Variants in R3HDM1 observed in about 807,000 individuals in gnomAD.
R3HDM1 encodes the protein R3H domain-containing protein 1.
A neutral mutation model predicts 141.1 loss-of-function variants in R3HDM1; 46 were observed. The observed-to-expected ratio is 0.33, with a 90% CI of 0.26 to 0.42. The LOEUF (loss-of-function observed/expected upper bound fraction) is 0.42, where lower values mean the gene tolerates loss of function less well. Among genes scored for constraint, R3HDM1 ranks in the 10% least tolerant of loss-of-function variants. The probability of loss-of-function intolerance (pLI) is 1.00; values close to 1 mark genes in which losing one functional copy is unlikely to be tolerated. For synonymous variants in R3HDM1, 435 were observed against 472.9 expected, an observed-to-expected ratio of 0.92 and a Z score of 1.04; for missense variants, 1,184 against 1,368.3, an observed-to-expected ratio of 0.87 and a Z score of 2.12.
chr2:135,637,302 G>A (rs536321246), intron 11 of R3HDM1, among the ~76,000 whole-genome samples: 2 of 152,216 alleles, frequency 1.3e-5, no homozygotes, highest in Admixed American at 1.3e-4. Context: ...CAAGTCGAGA[G>A]TCAGTATGTA....
In R3HDM1 at chr2:135,663,154, A is replaced by T. The variant is rs974264939; in HGVS notation, c.2152+1761A>T. ...TCTGCCAAAAAAAAAAAAAAAAAAAAATATGACACTTAATAGAATTCAACT... is the reference window on the plus strand; with the variant it reads ...TCTGCCAAAAAAAAAAAAAAAAAAATATATGACACTTAATAGAATTCAACT... On this transcript the variant is annotated intron_variant, in intron 19 of 26. Transcript: ENST00000683871. Among the ~76,000 whole-genome samples the T allele has an allele frequency of 3.2e-4, 42 of 129,326 alleles. No individual in the cohort carries two copies. The East Asian group carries it at 4.0e-3, about 12-fold the overall frequency. The allele number at this position is 129,326 out of a possible 152,430, so 84.8% of individuals were successfully genotyped here.
chr2:135,652,323 C>G (rs567147775), intron 18 of R3HDM1, among the ~76,000 whole-genome samples: 1 of 152,212 alleles, frequency 6.6e-6, no homozygotes, highest in South Asian at 2.1e-4. Context: ...AAGTGTAAAT[C>G]CACTGTAAAA....
intron 21 of R3HDM1, among the ~76,000 whole-genome samples, chr2:135,686,783 G>A (rs1006605179): frequency 2.6e-5 from 4 of 152,164 alleles, no homozygotes; most frequent in Admixed American, 2.6e-4. Context: ...ACATTATTTA[G>A]CCTTTAAAGA....
chr2:135,619,172 A>T (rs1054528359), intron 5 of R3HDM1, among the ~76,000 whole-genome samples: 1 of 152,200 alleles, frequency 6.6e-6, no homozygotes, highest in African/African-American at 2.4e-5. Flanking sequence ...TAGCTTCATG[A>T]CAGTCTAAAG....
chr2:135,719,375 A>G (rs1357564235), intron 24 of R3HDM1, among the ~76,000 whole-genome samples: 2 of 143,488 alleles, frequency 1.4e-5, no homozygotes, highest in Non-Finnish European at 3.1e-5. Flanking sequence ...CTACTTAGGA[A>G]GCTGAGGCAA....
intron 7 of R3HDM1, among the ~76,000 whole-genome samples, chr2:135,624,609 T>C (rs1289236837): frequency 6.6e-6 from 1 of 151,942 alleles, no homozygotes; most frequent in Non-Finnish European, 1.5e-5. Context: ...CCACGAAAAA[T>C]TGTCTTGAAA....
intron 1 of R3HDM1, among the ~76,000 whole-genome samples, chr2:135,587,249 C>T (rs753941964): frequency 2.0e-5 from 3 of 152,160 alleles, no homozygotes; most frequent in Admixed American, 6.6e-5. Flanking sequence ...GAATGACTAA[C>T]ACATGTCCAT....
At chr2:135,577,044 GAAAAA>G (rs1158925019) in intron 1 of R3HDM1, 1 of 659,112 alleles carries the variant, frequency 1.5e-6, no homozygotes. Flanking sequence ...TGTTACAAAA[GAAAAA>G]AAAAAAACCT....
intron 19 of R3HDM1, among the ~76,000 whole-genome samples, chr2:135,671,806 T>G (rs1424388491): frequency 6.6e-6 from 1 of 151,856 alleles, no homozygotes; most frequent in African/African-American, 2.4e-5. Context: ...TGAAACCCTG[T>G]CTATACTAAA....
At chr2:135,553,572 G>T (rs997602733) in intron 1 of R3HDM1, among the ~76,000 whole-genome samples, 2 of 152,076 alleles carry the variant, frequency 1.3e-5, no homozygotes, top group Non-Finnish European at 2.9e-5. Context: ...TTATAAGAAG[G>T]TTTCAAAATG....
intron 21 of R3HDM1, among the ~76,000 whole-genome samples, chr2:135,694,142 T>C (rs575247334): frequency 6.6e-6 from 1 of 152,346 alleles, no homozygotes; most frequent in East Asian, 1.9e-4. Context: ...CTTTTCCCAA[T>C]TGTTTTTAAA....
intron 7 of R3HDM1, among the ~76,000 whole-genome samples, chr2:135,629,841 A>T (rs2062455583): frequency 6.6e-6 from 1 of 152,162 alleles, no homozygotes; most frequent in Non-Finnish European, 1.5e-5. Context: ...GTGTGATCAC[A>T]TATGTGTTCT....
chr2:135,659,643 G>A (rs1341506330), intron 18 of R3HDM1, among the ~76,000 whole-genome samples: 1 of 152,028 alleles, frequency 6.6e-6, no homozygotes, highest in African/African-American at 2.4e-5. Context: ...TCACTATGTG[G>A]CCCAGTCAGA....
intron 24 of R3HDM1, among the ~76,000 whole-genome samples, chr2:135,718,217 TC>T (rs1432792167): frequency 6.6e-6 from 1 of 152,152 alleles, no homozygotes; most frequent in Non-Finnish European, 1.5e-5. Context: ...AGGGAACTCT[TC>T]CAGGGATGGA....
intron 25 of R3HDM1, 45 bp from the exon 26 acceptor site, chr2:135,722,424 T>C: frequency 1.3e-6 from 2 of 1,593,992 alleles, no homozygotes; most frequent in Non-Finnish European, 1.7e-6. Flanking sequence ...AAGTGTGTTT[T>C]TCAGCATTAT....
intron 21 of R3HDM1, among the ~76,000 whole-genome samples, chr2:135,700,197 G>A (rs1445297628): frequency 6.6e-6 from 1 of 151,734 alleles, no homozygotes; most frequent in Non-Finnish European, 1.5e-5. Flanking sequence ...GGAGTAACCT[G>A]GTAACCTTTG....
intron 3 of R3HDM1, among the ~76,000 whole-genome samples, chr2:135,612,602 C>G (rs1459835390): frequency 6.6e-6 from 1 of 152,096 alleles, no homozygotes; most frequent in Non-Finnish European, 1.5e-5. Context: ...CGCCTAGTTC[C>G]TGTCTTATAC....
chr2:135,534,285 G>T (rs1695560451), intron 1 of R3HDM1, among the ~76,000 whole-genome samples: 1 of 152,088 alleles, frequency 6.6e-6, no homozygotes, highest in Non-Finnish European at 1.5e-5. Flanking sequence ...TTATATACTT[G>T]CTATCCATAT....
At chr2:135,626,624 G>C (rs1232165229) in intron 7 of R3HDM1, among the ~76,000 whole-genome samples, 1 of 152,110 alleles carries the variant, frequency 6.6e-6, no homozygotes, top group Non-Finnish European at 1.5e-5. Flanking sequence ...TGTTTTGATT[G>C]TGTAGTTATT....
Sources: allele counts gnomAD v4.1 joint callset (sites outside exome capture counted in the v4.1 genomes callset), GRCh38; gene constraint gnomAD v4.1.1; transcripts MANE v1.5; gene names NCBI Gene and HGNC (gene_info 2026-07-23, HGNC 2026-07-21).